ALOX5: variants seen among roughly 807,000 people sequenced by gnomAD.
ALOX5 encodes arachidonate 5-lipoxygenase, also known as polyunsaturated fatty acid 5-lipoxygenase.
ALOX5 carries 64 observed loss-of-function variants against 87.9 expected under a neutral mutation model. The observed-to-expected ratio is 0.73, with a 90% confidence interval of 0.60 to 0.90. The LOEUF is 0.90. Ranked by LOEUF, ALOX5 falls within the 40% of genes least tolerant of loss-of-function variation. The pLI is 0.00. For synonymous variants in ALOX5, 388 were observed against 355.1 expected, an observed-to-expected ratio of 1.09 and a Z score of -1.04; for missense variants, 822 against 907.5, an observed-to-expected ratio of 0.91 and a Z score of 1.21.
At chr10:45,381,423 T>C (rs1458141863) in intron 1 of ALOX5, among the ~76,000 whole-genome samples, 1 of 152,254 alleles carries the variant, frequency 6.6e-6, no homozygotes. Flanking sequence ...GAAGTGGCTA[T>C]GATGGAAAGA....
At chr10:45,383,551 C>T (rs921822462) in intron 2 of ALOX5, among the ~76,000 whole-genome samples, 3 of 152,236 alleles carry the variant, frequency 2.0e-5, no homozygotes, top group South Asian at 2.1e-4. Flanking sequence ...GCCATGACAG[C>T]GTCAAACTCT....
At chr10:45,377,559 C>T (rs572198639) in intron 1 of ALOX5, among the ~76,000 whole-genome samples, 1 of 152,208 alleles carries the variant, frequency 6.6e-6, no homozygotes, top group African/African-American at 2.4e-5. Context: ...CTATCCACTA[C>T]CCCAATCCCT....
At chr10:45,385,178 ACAAC>A (rs919300025) in intron 2 of ALOX5, among the ~76,000 whole-genome samples, 2 of 152,166 alleles carry the variant, frequency 1.3e-5, no homozygotes, top group African/African-American at 4.8e-5. Context: ...ACATGGCAAA[ACAAC>A]CAATCCCTTG....
At position 45,424,073 on chromosome 10, in the gene ALOX5, A is replaced by G. The variant is rs1564438840; in HGVS notation, c.587A>G (p.His196Arg). ...MENLFINRFM[H>R]MFQSSWNDFA... is the part of the protein sequence containing the mutation. ...AACCTGTTCATCAACCGCTTCATGC[A>G]CATGTTCCAGTCTTCTTGGAATGAC... Residue 196 changes from histidine to arginine, a missense_variant, in exon 5 of 14, where the codon CAC (histidine) becomes CGC (arginine). His to Arg is a conservative substitution (Grantham distance 29, BLOSUM62 0). Coordinates refer to ENST00000374391, the MANE Select transcript of ALOX5 (RefSeq NM_000698.5). The G allele has an allele frequency of 6.2e-7, 1 of 1,614,170 alleles. No individual in the cohort carries two copies.
intron 1 of ALOX5, 45 bp from the exon 2 acceptor site, chr10:45,382,438 G>A: frequency 6.2e-7 from 1 of 1,607,952 alleles, no homozygotes; most frequent in Non-Finnish European, 8.5e-7. Flanking sequence ...CAGAACAAAG[G>A]CTCAGGAGAC....
chr10:45,375,527 TTTA>T (rs555449287), intron 1 of ALOX5, among the ~76,000 whole-genome samples: 213 of 152,342 alleles, frequency 1.4e-3, no homozygotes, highest in Non-Finnish European at 2.1e-3. Flanking sequence ...CACCATTTAG[TTTA>T]TTATTTGATC....
At chr10:45,439,893 G>T (rs528786537) in intron 7 of ALOX5, among the ~76,000 whole-genome samples, 1 of 152,300 alleles carries the variant, frequency 6.6e-6, no homozygotes, top group African/African-American at 2.4e-5. Flanking sequence ...CCTGATCTGG[G>T]AGGCTCAGTA....
intron 9 of ALOX5, chr10:45,441,681 C>T (rs1842240544): frequency 2.1e-6 from 1 of 487,304 alleles, no homozygotes. Flanking sequence ...CCCCTCCCCT[C>T]TCCCAGCCTC....
chr10:45,390,604 C>T (rs368232383), intron 2 of ALOX5, among the ~76,000 whole-genome samples: 10 of 152,278 alleles, frequency 6.6e-5, no homozygotes, highest in East Asian at 1.9e-4. Flanking sequence ...GGGTACATAA[C>T]GAAATGAAGG....
chr10:45,424,254 T>A, intron 5 of ALOX5, 107 bp downstream of exon 5: 1 of 957,400 alleles, frequency 1.0e-6, no homozygotes. Flanking sequence ...TGCTGCAGCA[T>A]GGGGGCCTCG....
intron 3 of ALOX5, among the ~76,000 whole-genome samples, chr10:45,406,774 G>T (rs536943506): frequency 6.6e-6 from 1 of 152,182 alleles, no homozygotes; most frequent in Non-Finnish European, 1.5e-5. Flanking sequence ...AGTGAGTCTG[G>T]TTAGTTAATG....
At position 45,414,075 on chromosome 10, in the gene ALOX5, T is replaced by TG. The variant is rs1433716520; in HGVS notation, c.554+1765dup. 1.8e-4 allele frequency among the ~76,000 whole-genome samples: 27 copies of TG among 152,300 alleles called. No homozygotes were observed. The East Asian group carries it at 4.2e-3, about 24-fold the overall frequency. On this transcript the variant is annotated intron_variant, in intron 4 of 13. Transcript: ENST00000374391. ...CTACCAATGACTTTCTGCACAGAAT[T>TG]GGGAAAAACTACTTTAAAGTTCATA...
chr10:45,435,632 A>G (rs1028533339), intron 7 of ALOX5, among the ~76,000 whole-genome samples: 16 of 152,232 alleles, frequency 1.1e-4, no homozygotes, highest in Admixed American at 5.9e-4. Flanking sequence ...ATGGCTATGT[A>G]GTATTCCTTG....
intron 4 of ALOX5, among the ~76,000 whole-genome samples, chr10:45,415,314 T>C (rs957938460): frequency 6.6e-6 from 1 of 152,240 alleles, no homozygotes; most frequent in South Asian, 2.1e-4. Flanking sequence ...AAACCATTAT[T>C]CTCAGCAAAC....
chr10:45,420,790 T>C (rs1419958933), intron 4 of ALOX5, among the ~76,000 whole-genome samples: 2 of 152,260 alleles, frequency 1.3e-5, no homozygotes, highest in African/African-American at 2.4e-5. Flanking sequence ...GAAAAGCTGG[T>C]AGCAGAAGGA....
At chr10:45,415,384 A>G (rs942906069) in intron 4 of ALOX5, among the ~76,000 whole-genome samples, 1 of 152,178 alleles carries the variant, frequency 6.6e-6, no homozygotes. Flanking sequence ...GAATTGAACA[A>G]TGAGAACACT....
chr10:45,402,849 G>C (rs773675121), intron 3 of ALOX5, among the ~76,000 whole-genome samples: 1 of 152,214 alleles, frequency 6.6e-6, no homozygotes, highest in African/African-American at 2.4e-5. Context: ...AGAAGTTTGA[G>C]TACTTACTGT....
In ALOX5 at chr10:45,395,669, G is replaced by A. The variant is rs116526705; in HGVS notation, c.350-186G>A. Among the ~76,000 whole-genome samples, 902 of 152,076 alleles carry A rather than the reference G, an allele frequency of 5.9e-3. 6 individuals carry two copies. The highest frequency in any genetic ancestry group is 0.02 in the African/African-American group (816 of 41,490). ...ACCTTGGGTAAAGTTCAAGAGCAAAGCTACACAACTTCCCTAAGCCTCAGT... is the reference window on the plus strand; with the variant it reads ...ACCTTGGGTAAAGTTCAAGAGCAAAACTACACAACTTCCCTAAGCCTCAGT... On this transcript the variant is annotated intron_variant, in intron 2 of 13. Coordinates refer to ENST00000374391, the MANE Select transcript of ALOX5 (RefSeq NM_000698.5).
At chr10:45,414,037 C>T (rs1054750270) in intron 4 of ALOX5, among the ~76,000 whole-genome samples, 21 of 152,154 alleles carry the variant, frequency 1.4e-4, no homozygotes, top group African/African-American at 4.8e-4. Flanking sequence ...AGATCAATGC[C>T]ATCCCCATCA....
Sources: gnomAD v4.1 joint callset for allele counts (sites outside exome capture counted in the v4.1 genomes callset) on GRCh38, gnomAD v4.1.1 for gene constraint, MANE v1.5 for transcripts, NCBI Gene and HGNC (gene_info 2026-07-23, HGNC 2026-07-21) for gene names.